Variants in MYO3A observed in about 807,000 individuals in gnomAD.
MYO3A encodes myosin-IIIa.
Under a neutral mutation model 192.7 loss-of-function variants are expected in MYO3A, and 180 were observed. The observed-to-expected ratio is 0.93, with a 90% CI of 0.83 to 1.06. The LOEUF (loss-of-function observed/expected upper bound fraction) is 1.06, where lower values mean the gene tolerates loss of function less well. MYO3A is among the 50% of genes least tolerant of loss of function. The pLI, the probability that MYO3A is intolerant of heterozygous loss-of-function variation, is 0.00. For synonymous variants in MYO3A, 628 were observed against 645.3 expected, an observed-to-expected ratio of 0.97 and a Z score of 0.41; for missense variants, 1,896 against 1,905.0, an observed-to-expected ratio of 1.00 and a Z score of 0.09.
intron 10 of MYO3A, among the ~76,000 whole-genome samples, chr10:26,065,037 C>CA (rs1239479598): frequency 6.6e-6 from 1 of 151,940 alleles, no homozygotes; most frequent in Non-Finnish European, 1.5e-5. Flanking sequence ...GGGAGACCCC[C>CA]AAAATGTAAC....
At chr10:26,168,467 C>T (rs151114364) in intron 27 of MYO3A, among the ~76,000 whole-genome samples, 1 of 152,272 alleles carries the variant, frequency 6.6e-6, no homozygotes, top group African/African-American at 2.4e-5. Flanking sequence ...TCTCATCCAA[C>T]AAAACCTAGT....
At position 26,070,361 on chromosome 10, in the gene MYO3A, A is replaced by AT. The variant is rs1471296610; in HGVS notation, c.1320dup (p.Ala441CysfsTer15). 3 of 1,613,178 alleles carry AT rather than the reference A, an allele frequency of 1.9e-6. No homozygotes were observed. Among genetic ancestry groups the AT allele is most frequent in the Non-Finnish European group, 2.5e-6 (3 of 1,179,488 alleles). On this transcript the variant is annotated frameshift_variant, in exon 14 of 35. Transcript: ENST00000642920. LOFTEE classifies it high-confidence loss of function. ...GAAAGTGGTGCTGGAAAGACTGAAA[A>AT]TGCTCATCTTTTAGTTCAGCAGCTG... is the stretch of plus-strand genomic sequence containing the variant.
chr10:26,102,388 T>C, intron 17 of MYO3A, among the ~76,000 whole-genome samples: 1 of 152,364 alleles, frequency 6.6e-6, no homozygotes, highest in African/African-American at 2.4e-5. Context: ...ATCTGAAGTC[T>C]TCTTCTCTCA....
chr10:26,169,492 C>T (rs1841935280), intron 28 of MYO3A, among the ~76,000 whole-genome samples: 2 of 152,052 alleles, frequency 1.3e-5, no homozygotes, highest in East Asian at 1.9e-4. Context: ...TTAACCTATA[C>T]ACACACACAC....
intron 4 of MYO3A, among the ~76,000 whole-genome samples, chr10:25,960,204 G>A (rs922802495): frequency 9.2e-5 from 14 of 152,026 alleles, no homozygotes; most frequent in African/African-American, 1.4e-4. Flanking sequence ...GGAGATTCAT[G>A]AGTAAGAGGA....
intron 6 of MYO3A, among the ~76,000 whole-genome samples, chr10:26,014,359 T>C (rs547835210): frequency 6.6e-6 from 1 of 152,252 alleles, no homozygotes; most frequent in South Asian, 2.1e-4. Context: ...ATGTCAACTG[T>C]AGAACTAGGT....
intron 6 of MYO3A, among the ~76,000 whole-genome samples, chr10:26,013,731 A>AAAAGT (rs1413915119): frequency 6.6e-6 from 1 of 152,136 alleles, no homozygotes; most frequent in Non-Finnish European, 1.5e-5. Flanking sequence ...AGCTATTAAT[A>AAAAGT]AAAGTAGATC....
At chr10:25,978,912 A>G (rs1045908788) in intron 4 of MYO3A, among the ~76,000 whole-genome samples, 1 of 151,990 alleles carries the variant, frequency 6.6e-6, no homozygotes, top group African/African-American at 2.4e-5. Flanking sequence ...ATTGTGGGTC[A>G]TATGTTTGGT....
intron 4 of MYO3A, among the ~76,000 whole-genome samples, chr10:25,966,549 G>A (rs989743090): frequency 1.2e-4 from 18 of 152,154 alleles, no homozygotes; most frequent in African/African-American, 3.9e-4. Flanking sequence ...TGAGGAGGCA[G>A]CATTTTAATC....
chr10:26,050,617 A>T (rs1843935942), intron 10 of MYO3A, among the ~76,000 whole-genome samples: 1 of 152,252 alleles, frequency 6.6e-6, no homozygotes, highest in African/African-American at 2.4e-5. Flanking sequence ...GAGAATAACC[A>T]TCAAATAGTC....
At chr10:26,193,150 C>A (rs765137357) in intron 31 of MYO3A, 55 bp from the exon 32 acceptor site, 4 of 1,307,762 alleles carry the variant, frequency 3.1e-6, no homozygotes, top group Non-Finnish European at 4.4e-6. Flanking sequence ...AGGAAAACAT[C>A]ACTTGATAAT....
intron 34 of MYO3A, among the ~76,000 whole-genome samples, chr10:26,206,251 G>A (rs937812812): frequency 6.6e-6 from 1 of 151,158 alleles, no homozygotes; most frequent in African/African-American, 2.4e-5. Context: ...GGTAGAGACG[G>A]GGTTTCACCA....
chr10:26,090,835 AAGCCCATGGACTAACAGGGGTGAGG>A (rs1836656420), intron 15 of MYO3A, among the ~76,000 whole-genome samples: 1 of 152,234 alleles, frequency 6.6e-6, no homozygotes, highest in South Asian at 2.1e-4. Flanking sequence ...GAATGGTGAG[AAGCCCATGGACTAACAGGGGTGAGG>A]AGCCATGGCT....
At chr10:26,095,127 G>T (rs1004452581) in intron 15 of MYO3A, among the ~76,000 whole-genome samples, 2 of 152,172 alleles carry the variant, frequency 1.3e-5, no homozygotes, top group African/African-American at 4.8e-5. Context: ...GCCAAAAGTG[G>T]CAGGAAGGGG....
intron 14 of MYO3A, among the ~76,000 whole-genome samples, chr10:26,087,834 A>T (rs1836433162): frequency 6.6e-6 from 1 of 152,212 alleles, no homozygotes; most frequent in Admixed American, 6.5e-5. Context: ...GGAAGCCAGT[A>T]AAGTGGTTCT....
intron 11 of MYO3A, 51 bp from the exon 12 acceptor site, chr10:26,068,717 G>T: frequency 1.6e-6 from 2 of 1,236,168 alleles, no homozygotes; most frequent in Non-Finnish European, 2.4e-6. Flanking sequence ...TTAAATTGTA[G>T]TTGACCACAA....
chr10:26,051,247 A>G (rs551293340), intron 10 of MYO3A, among the ~76,000 whole-genome samples: 4 of 152,216 alleles, frequency 2.6e-5, no homozygotes, highest in Non-Finnish European at 5.9e-5. Context: ...TACATGAAGG[A>G]TGGTGGTCAG....
At chr10:25,955,160 T>C (rs1546700) in intron 4 of MYO3A, 152 bp downstream of exon 4, 12 of 1,071,046 alleles carry the variant, frequency 1.1e-5, no homozygotes, top group Non-Finnish European at 1.7e-5. Context: ...TGGCCTTGCC[T>C]TCTTAAGAAA....
rs760382928 is a variant in MYO3A, at chr10:26,068,785, A to G, written c.1071A>G (p.Gln357=). 1 of 1,582,478 alleles carries G rather than the reference A, an allele frequency of 6.3e-7. No individual in the cohort carries two copies. Among genetic ancestry groups the G allele is most frequent in the Non-Finnish European group, 8.7e-7 (1 of 1,151,560 alleles). ...TATTGCAGAATACAGTCTCAGAGCA[A>G]CTTGAGAAGTGTTATTCCAGAGATC... ...EILDENTVSE[Q]LEKCYSRDQI... The change falls in exon 12 of 35, where the codon CAA becomes CAG. Residue 357 remains glutamine, a synonymous_variant. Transcript: ENST00000642920.
Sources: gnomAD v4.1 joint callset for allele counts (sites outside exome capture counted in the v4.1 genomes callset) on GRCh38, gnomAD v4.1.1 for gene constraint, MANE v1.5 for transcripts, NCBI Gene and HGNC (gene_info 2026-07-23, HGNC 2026-07-21) for gene names.